Variants in RIMBP2 observed in about 807,000 individuals in gnomAD.
The protein encoded by RIMBP2 is RIMS-binding protein 2.
A neutral mutation model predicts 118.6 loss-of-function variants in RIMBP2; 48 were observed. The observed-to-expected ratio is 0.40, with a 90% CI of 0.32 to 0.51. The LOEUF (loss-of-function observed/expected upper bound fraction) is 0.51. Ranked by LOEUF, RIMBP2 falls within the 20% of genes least tolerant of loss-of-function variation. The pLI, the probability that RIMBP2 is intolerant of heterozygous loss-of-function variation, is 0.41. For synonymous variants in RIMBP2, 762 were observed against 742.9 expected (o/e 1.03, Z -0.42); for missense variants, 1,551 against 1,768.3 (o/e 0.88, Z 2.20).
intron 1 of RIMBP2, among the ~76,000 whole-genome samples, chr12:130,642,871 C>G (rs377196990): frequency 6.6e-6 from 1 of 152,190 alleles, no homozygotes; most frequent in Admixed American, 6.5e-5. Context: ...GGGTCACGTG[C>G]CCTCTCGGCC....
At chr12:130,569,390 C>G (rs1871064303) in intron 2 of RIMBP2, among the ~76,000 whole-genome samples, 1 of 152,352 alleles carries the variant, frequency 6.6e-6, no homozygotes, top group Middle Eastern at 3.4e-3. Flanking sequence ...ACGCCCAGTT[C>G]TTCTCCAAAA....
intron 2 of RIMBP2, among the ~76,000 whole-genome samples, chr12:130,614,077 C>T (rs1005486075): frequency 4.6e-5 from 7 of 152,192 alleles, no homozygotes; most frequent in Admixed American, 2.6e-4. Flanking sequence ...TGCAGCTGAA[C>T]GCTGTCTCAC....
At chr12:130,503,407 C>A (rs28424141) in intron 4 of RIMBP2, among the ~76,000 whole-genome samples, 1,352 of 88,420 alleles carry the variant, frequency 0.015, 29 homozygotes, top group African/African-American at 0.048. Flanking sequence ...AAAGAAAAAA[C>A]AAAAAACAAA....
chr12:130,635,246 C>T (rs972080417), intron 1 of RIMBP2, among the ~76,000 whole-genome samples: 3 of 152,186 alleles, frequency 2.0e-5, no homozygotes, highest in Admixed American at 1.3e-4. Flanking sequence ...GGCGGGCCAG[C>T]GCCTGGACCT....
rs1211708144 is a variant in RIMBP2, at chr12:130,447,916, G to A, written c.581+2284C>T. Among the ~76,000 whole-genome samples, 1 of 152,148 alleles carries A rather than the reference G, an allele frequency of 6.6e-6. No homozygotes were observed. The highest frequency in any genetic ancestry group is 2.4e-5 in the African/African-American group (1 of 41,418). On this transcript the variant is annotated intron_variant, in intron 9 of 22. Transcript: ENST00000690449. This position sits in a 1 kb window ranked among gnomAD's most constrained non-coding sequence, Gnocchi z 4.4. ...CAAGAGGCTTTCGGTTTGCAGAAAT[G>A]TCTAAGCAGGTTGCTGAATAATGAC...
chr12:130,523,928 C>T lies in RIMBP2; in HGVS notation c.-216-6011G>A, dbSNP rs1175820351. 6.6e-6 allele frequency among the ~76,000 whole-genome samples: 1 copy of T among 152,146 alleles called. No individual in the cohort carries two copies. Among genetic ancestry groups the T allele is most frequent in the Non-Finnish European group, 1.5e-5 (1 of 68,026 alleles). ...ACCCAGCACAAATACATAACAAAGG[C>T]ATGTAAGGGCACAGCAAGGTCTCTG... On this transcript the variant is annotated intron_variant, in intron 2 of 22. Coordinates refer to ENST00000690449, the MANE Select transcript of RIMBP2 (RefSeq NM_001393629.1). The surrounding 1 kb of genome is among the most constrained non-coding windows in gnomAD (Gnocchi z 4.4).
rs112593849 is a variant in RIMBP2 at position 130,578,771 on chromosome 12, A to G, written c.-217+49551T>C. On this transcript the variant is annotated intron_variant, in intron 2 of 22. Coordinates refer to ENST00000690449, the MANE Select transcript of RIMBP2 (RefSeq NM_001393629.1). The surrounding 1 kb of genome is among the most constrained non-coding windows in gnomAD (Gnocchi z 4.1). The stretch of plus-strand genomic sequence containing the variant: ...TTCCACTGCACGCTCCACTATCTGA[A>G]GTCGCAGGTCCTCATCTGGAGCCCT... Among the ~76,000 whole-genome samples, 18 of 152,294 alleles carry G rather than the reference A, an allele frequency of 1.2e-4. No individual in the cohort carries two copies. Among genetic ancestry groups the G allele is most frequent in the African/African-American group, 4.3e-4 (18 of 41,562 alleles).
At position 130,446,023 on chromosome 12, in the gene RIMBP2, C is replaced by CG. The variant is rs56182390; in HGVS notation, c.582-755_582-754insC. On this transcript the variant is annotated intron_variant, in intron 9 of 22. Coordinates refer to ENST00000690449, the MANE Select transcript of RIMBP2 (RefSeq NM_001393629.1). This position sits in a 1 kb window ranked among gnomAD's most constrained non-coding sequence, Gnocchi z 4.1. ...AACAGACGCATGATTTTATGCTCCC[C>CG]CCCCCCACACCCCCAGGAATATAAG... Among the ~76,000 whole-genome samples the CG allele has an allele frequency of 6.7e-6, 1 of 149,380 alleles. No individual in the cohort carries two copies. Among genetic ancestry groups the CG allele is most frequent in the African/African-American group, 2.5e-5 (1 of 40,750 alleles).
chr12:130,665,484 C>T (rs1464405047), intron 1 of RIMBP2, among the ~76,000 whole-genome samples: 1 of 151,094 alleles, frequency 6.6e-6, no homozygotes, highest in Non-Finnish European at 1.5e-5. Context: ...GAGATCGTAC[C>T]ACAGCGAGCC....
At chr12:130,632,818 G>C (rs979601604) in intron 1 of RIMBP2, among the ~76,000 whole-genome samples, 1 of 152,236 alleles carries the variant, frequency 6.6e-6, no homozygotes, top group East Asian at 1.9e-4. Flanking sequence ...AGAGCTTGAA[G>C]ACCACTTTAC....
At chr12:130,568,009 G>A (rs1341668607) in intron 2 of RIMBP2, among the ~76,000 whole-genome samples, 4 of 152,050 alleles carry the variant, frequency 2.6e-5, no homozygotes, top group Non-Finnish European at 5.9e-5. Context: ...AAAAAGGCCC[G>A]TGGTCCCAGG....
At chr12:130,515,133 C>T (rs1410836672) in intron 3 of RIMBP2, among the ~76,000 whole-genome samples, 1 of 152,130 alleles carries the variant, frequency 6.6e-6, no homozygotes, top group Non-Finnish European at 1.5e-5. Context: ...GCCTCGGCCT[C>T]CCAAAGTGCT....
intron 1 of RIMBP2, among the ~76,000 whole-genome samples, chr12:130,652,829 G>C (rs60824332): frequency 0.066 from 9,979 of 152,170 alleles, 1,125 homozygotes; most frequent in African/African-American, 0.23. Flanking sequence ...CACATCACGT[G>C]GCAAGAATGG....
At chr12:130,439,531 G>A (rs895130934) in intron 11 of RIMBP2, among the ~76,000 whole-genome samples, 2 of 146,058 alleles carry the variant, frequency 1.4e-5, no homozygotes, top group Non-Finnish European at 3.0e-5. Flanking sequence ...GGGTGTGTGT[G>A]GGTCTGTAGG....
At chr12:130,713,334 A>G (rs898304824) in intron 1 of RIMBP2, among the ~76,000 whole-genome samples, 14 of 152,274 alleles carry the variant, frequency 9.2e-5, no homozygotes, top group African/African-American at 3.1e-4. Context: ...CAGCATCACC[A>G]ACAAGAGATG....
At chr12:130,629,974 T>TAAAAAA (rs33932481) in intron 1 of RIMBP2, among the ~76,000 whole-genome samples, 1 of 104,516 alleles carries the variant, frequency 9.6e-6, no homozygotes, top group South Asian at 3.7e-4. Context: ...AATCAAGCTT[T>TAAAAAA]AAAAAAAAAA....
At chr12:130,645,647 A>G (rs558445520) in intron 1 of RIMBP2, among the ~76,000 whole-genome samples, 1 of 152,326 alleles carries the variant, frequency 6.6e-6, no homozygotes, top group East Asian at 1.9e-4. Context: ...CTACAAGAGG[A>G]GTCGGCGTTA....
At chr12:130,652,431 T>G (rs2063265849) in intron 1 of RIMBP2, among the ~76,000 whole-genome samples, 1 of 152,264 alleles carries the variant, frequency 6.6e-6, no homozygotes, top group African/African-American at 2.4e-5. Flanking sequence ...GTCCTTAACT[T>G]CTAAATGGCT....
At chr12:130,489,790 A>C (rs1347380081) in intron 4 of RIMBP2, among the ~76,000 whole-genome samples, 1 of 152,218 alleles carries the variant, frequency 6.6e-6, no homozygotes, top group Admixed American at 6.5e-5. Context: ...TCTGACCGGT[A>C]GACTGAAGGA....
Sources: allele counts gnomAD v4.1 joint callset (sites outside exome capture counted in the v4.1 genomes callset), GRCh38; gene constraint gnomAD v4.1.1; non-coding constraint Gnocchi (gnomAD v3.1); transcripts MANE v1.5; gene names NCBI Gene and HGNC (gene_info 2026-07-23, HGNC 2026-07-21).